ARHGAP39: variants seen among roughly 807,000 people sequenced by gnomAD.
The protein encoded by ARHGAP39 is Rho GTPase activating protein 39.
ARHGAP39 carries 44 observed loss-of-function variants against 106.9 expected under a neutral mutation model. That is an observed-to-expected ratio of 0.41 (90% confidence interval 0.32 to 0.53). The LOEUF is 0.53. Among genes scored for constraint, ARHGAP39 ranks in the 20% least tolerant of loss-of-function variants. The pLI is 0.21. For missense variants in ARHGAP39, 1,496 were observed against 1,577.3 expected, an observed-to-expected ratio of 0.95 and a Z score of 0.87; for synonymous variants, 768 against 693.2, an observed-to-expected ratio of 1.11 and a Z score of -1.69.
intron 1 of ARHGAP39, among the ~76,000 whole-genome samples, chr8:144,676,664 C>T (rs2956187): frequency 0.026 from 4,024 of 152,348 alleles, 242 homozygotes; most frequent in East Asian, 0.24. Flanking sequence ...GCACCTAGCC[C>T]GGGCACTCCG....
At position 144,548,420 on chromosome 8, in the gene ARHGAP39, G is replaced by A. The variant is rs1373156679; in HGVS notation, c.666C>T (p.Pro222=). The change falls in exon 5 of 12, where the codon CCC becomes CCT. Residue 222 remains proline (P), a synonymous_variant. Transcript: ENST00000377307. The surrounding 1 kb of genome is among the most constrained non-coding windows in gnomAD (Gnocchi z 7.4). ...CATTGCCCTGGGCGGCGAGGAAGCT[G>A]GGCTCCCGATCAGCGACCTTGATGA... ...RMLIKVADRE[P]SFLAAQGNGY... is the part of the protein sequence containing the mutation. The A allele has an allele frequency of 3.1e-6, 5 of 1,610,810 alleles. No homozygotes were observed. Among genetic ancestry groups the A allele is most frequent in the Non-Finnish European group, 4.2e-6 (5 of 1,179,610 alleles).
the ARHGAP39 span, among the ~76,000 whole-genome samples, chr8:144,696,554 C>T: frequency 9.9e-4 from 151 of 152,212 alleles, no homozygotes; most frequent in African/African-American, 3.0e-3. Flanking sequence ...CTGAGTTGCC[C>T]GTCACGGTTA....
chr8:144,595,310 G>A (rs937018256), intron 2 of ARHGAP39, among the ~76,000 whole-genome samples: 1 of 152,206 alleles, frequency 6.6e-6, no homozygotes. Context: ...TGGACCTGGG[G>A]CATGTCGACG....
At chr8:144,553,685 G>A (rs1005309529) in intron 4 of ARHGAP39, among the ~76,000 whole-genome samples, 5 of 152,264 alleles carry the variant, frequency 3.3e-5, no homozygotes, top group Non-Finnish European at 7.3e-5. Context: ...GGCATGAGGA[G>A]GTGGCCAAGC....
At chr8:144,698,067 A>G in the ARHGAP39 span, among the ~76,000 whole-genome samples, 3 of 152,114 alleles carry the variant, frequency 2.0e-5, no homozygotes, top group African/African-American at 4.8e-5. Flanking sequence ...TTGATCCCCA[A>G]TGTTGGAGGT....
intron 1 of ARHGAP39, among the ~76,000 whole-genome samples, chr8:144,611,602 T>G (rs564721275): frequency 6.6e-6 from 1 of 152,374 alleles, no homozygotes; most frequent in East Asian, 1.9e-4. Flanking sequence ...ATCCTGGTTG[T>G]TTCCTTTGCT....
intron 1 of ARHGAP39, among the ~76,000 whole-genome samples, chr8:144,627,288 G>A (rs1820943755): frequency 6.6e-6 from 1 of 152,194 alleles, no homozygotes; most frequent in South Asian, 2.1e-4. Flanking sequence ...GGGCGCGGTG[G>A]CTCATGCCTG....
At chr8:144,615,156 C>T (rs1820600769) in intron 1 of ARHGAP39, among the ~76,000 whole-genome samples, 1 of 152,118 alleles carries the variant, frequency 6.6e-6, no homozygotes, top group Non-Finnish European at 1.5e-5. Context: ...CTCACCTCTA[C>T]CAAAAAATAC....
intron 1 of ARHGAP39, among the ~76,000 whole-genome samples, chr8:144,683,889 T>C (rs989094808): frequency 2.6e-5 from 4 of 152,168 alleles, no homozygotes; most frequent in Non-Finnish European, 5.9e-5. Flanking sequence ...GCACCAGATC[T>C]TGGCAGTAAT....
At chr8:144,659,248 C>T (rs1464759886) in intron 1 of ARHGAP39, among the ~76,000 whole-genome samples, 1 of 152,148 alleles carries the variant, frequency 6.6e-6, no homozygotes, top group African/African-American at 2.4e-5. Flanking sequence ...ACATGCTGAC[C>T]AGAGCCATTA....
chr8:144,562,306 G>T (rs1373252113), intron 3 of ARHGAP39, among the ~76,000 whole-genome samples: 16 of 131,868 alleles, frequency 1.2e-4, no homozygotes, highest in African/African-American at 4.7e-4. Context: ...TTTCCATCGG[G>T]CTCCAGTGGT....
At chr8:144,533,421 C>T (rs1351723446) in intron 8 of ARHGAP39, 96 bp from the exon 9 acceptor site, 21 of 1,263,964 alleles carry the variant, frequency 1.7e-5, no homozygotes, top group African/African-American at 4.4e-5. Flanking sequence ...AGGTGGGTGG[C>T]GCTCTTCAGA....
intron 1 of ARHGAP39, among the ~76,000 whole-genome samples, chr8:144,655,136 G>A (rs1364471582): frequency 6.6e-6 from 1 of 152,192 alleles, no homozygotes; most frequent in East Asian, 1.9e-4. Flanking sequence ...TTCCTGAGTG[G>A]AAGGGGGCAG....
intron 6 of ARHGAP39, among the ~76,000 whole-genome samples, chr8:144,541,665 T>A (rs1296103574): frequency 6.6e-6 from 1 of 152,182 alleles, no homozygotes; most frequent in African/African-American, 2.4e-5. Context: ...GCCCTCAAGG[T>A]TCATCCATGC....
intron 3 of ARHGAP39, among the ~76,000 whole-genome samples, chr8:144,567,471 TA>T (rs1274123859): frequency 6.6e-6 from 1 of 152,120 alleles, no homozygotes; most frequent in Non-Finnish European, 1.5e-5. Context: ...ACCCGCTACT[TA>T]GCGGACCAGG....
chr8:144,535,417 G>A (rs778460986), intron 7 of ARHGAP39, among the ~76,000 whole-genome samples: 11 of 152,236 alleles, frequency 7.2e-5, no homozygotes, highest in Non-Finnish European at 1.5e-4. Context: ...AGCCTCCAGC[G>A]TGGGACCATG....
At chr8:144,541,289 C>A (rs977495216) in intron 6 of ARHGAP39, among the ~76,000 whole-genome samples, 1 of 152,234 alleles carries the variant, frequency 6.6e-6, no homozygotes, top group Non-Finnish European at 1.5e-5. Context: ...ACCATCGGCC[C>A]AGGATTTACC....
chr8:144,686,061 C>T (rs559396634), upstream of ARHGAP39, among the ~76,000 whole-genome samples: 11 of 152,030 alleles, frequency 7.2e-5, no homozygotes, highest in African/African-American at 2.7e-4. Context: ...AGAGGCCTCC[C>T]GCGCGGACCT....
intron 3 of ARHGAP39, among the ~76,000 whole-genome samples, chr8:144,573,483 C>T (rs922109752): frequency 2.6e-5 from 4 of 152,122 alleles, no homozygotes; most frequent in Admixed American, 2.0e-4. Flanking sequence ...GGAGGGACAG[C>T]GTTAGGAGAA....
Sources: gnomAD v4.1 joint callset for allele counts (sites outside exome capture counted in the v4.1 genomes callset) on GRCh38, gnomAD v4.1.1 for gene constraint, Gnocchi (gnomAD v3.1) non-coding constraint, MANE v1.5 for transcripts, NCBI Gene and HGNC (gene_info 2026-07-23, HGNC 2026-07-21) for gene names.